PPP1R12B: variants seen among roughly 807,000 people sequenced by gnomAD.
PPP1R12B encodes the protein protein phosphatase 1 regulatory subunit 12B.
PPP1R12B carries 76 observed loss-of-function variants against 126.1 expected under a neutral mutation model. The observed-to-expected ratio is 0.60, with a 90% CI of 0.50 to 0.73. The LOEUF is 0.73. Ranked by LOEUF, PPP1R12B falls within the 30% of genes least tolerant of loss-of-function variation. The pLI, the probability that PPP1R12B is intolerant of heterozygous loss-of-function variation, is 0.00. For missense variants in PPP1R12B, 1,052 were observed against 1,205.1 expected (o/e 0.87, Z 1.88); for synonymous variants, 356 against 434.7 (o/e 0.82, Z 2.25).
intron 13 of PPP1R12B, among the ~76,000 whole-genome samples, chr1:202,452,369 G>A (rs1478193313): frequency 3.9e-5 from 6 of 152,198 alleles, no homozygotes; most frequent in Non-Finnish European, 8.8e-5. Context: ...CCAACACAGC[G>A]AAACCCCGTC....
At chr1:202,538,641 G>C (rs1320356285) in intron 18 of PPP1R12B, among the ~76,000 whole-genome samples, 1 of 152,200 alleles carries the variant, frequency 6.6e-6, no homozygotes, top group East Asian at 1.9e-4. Flanking sequence ...AGAGAAAAGA[G>C]GGTTGTTACT....
rs1403578201 is a variant in PPP1R12B, at chr1:202,592,535, T to C, written c.*11975T>C. ...CCATGCGGCTATTTACAGAAAGTTA[T>C]AGACATGCATCTTGATTAAACAAGA... On this transcript the variant is annotated 3_prime_UTR_variant, in exon 24 of 24. Transcript: ENST00000608999. 3 of 152,272 alleles carry C rather than the reference T, an allele frequency of 2.0e-5. No individual in the cohort carries two copies. Among genetic ancestry groups the C allele is most frequent in the Non-Finnish European group, 4.4e-5 (3 of 68,054 alleles). 9.4% of individuals were successfully genotyped at this position (152,272 alleles called of 1,614,324 possible). A position where few individuals can be genotyped will look rare whatever the true frequency, so the allele number is the denominator to read the frequency against.
At chr1:202,486,721 T>G (rs1043098093) in intron 13 of PPP1R12B, among the ~76,000 whole-genome samples, 1 of 152,026 alleles carries the variant, frequency 6.6e-6, no homozygotes, top group Non-Finnish European at 1.5e-5. Context: ...GGCGGGAAAA[T>G]CGCCTGAGTC....
At chr1:202,455,796 C>G (rs898946309) in intron 13 of PPP1R12B, among the ~76,000 whole-genome samples, 2 of 152,148 alleles carry the variant, frequency 1.3e-5, no homozygotes, top group African/African-American at 4.8e-5. Context: ...CATGACGTGA[C>G]CTATAGTTTT....
At chr1:202,521,705 G>T (rs971802506) in intron 18 of PPP1R12B, among the ~76,000 whole-genome samples, 1 of 152,104 alleles carries the variant, frequency 6.6e-6, no homozygotes, top group African/African-American at 2.4e-5. Flanking sequence ...GAGAAAGATG[G>T]ACATGAAAGA....
intron 21 of PPP1R12B, among the ~76,000 whole-genome samples, chr1:202,566,556 C>A (rs564153570): frequency 7.2e-5 from 11 of 152,310 alleles, no homozygotes; most frequent in African/African-American, 2.6e-4. Context: ...AAAACTAGTT[C>A]TTTGTGTATA....
intron 6 of PPP1R12B, among the ~76,000 whole-genome samples, chr1:202,429,380 C>A (rs986900819): frequency 6.6e-6 from 1 of 152,150 alleles, no homozygotes; most frequent in African/African-American, 2.4e-5. Context: ...ACACATAATA[C>A]TAAAACTGTC....
intron 13 of PPP1R12B, among the ~76,000 whole-genome samples, chr1:202,477,346 C>T (rs1182094113): frequency 1.3e-5 from 2 of 152,072 alleles, no homozygotes; most frequent in Non-Finnish European, 2.9e-5. Context: ...ATAAGAAACT[C>T]GGGTATAGAG....
intron 1 of PPP1R12B, among the ~76,000 whole-genome samples, chr1:202,358,915 G>T (rs889960948): frequency 5.3e-5 from 8 of 152,094 alleles, no homozygotes; most frequent in African/African-American, 1.9e-4. Flanking sequence ...AAATATTCAT[G>T]ATATATCTGG....
chr1:202,371,001 CTTTTTTTTTTTT>C (rs774584500), intron 1 of PPP1R12B, among the ~76,000 whole-genome samples: 2 of 109,126 alleles, frequency 1.8e-5, no homozygotes, highest in Non-Finnish European at 3.8e-5. Context: ...TGCTCCACAT[CTTTTTTTTTTTT>C]TTTTTTTTTT....
intron 10 of PPP1R12B, chr1:202,439,225 T>C: frequency 1.4e-6 from 2 of 1,402,082 alleles, no homozygotes; most frequent in Non-Finnish European, 2.0e-6. Context: ...GCAGCCTCGT[T>C]GGAGCACCAT....
intron 1 of PPP1R12B, among the ~76,000 whole-genome samples, chr1:202,372,199 CTTATA>C (rs568601285): frequency 4.3e-4 from 66 of 152,128 alleles, no homozygotes; most frequent in African/African-American, 1.6e-3. Flanking sequence ...ATCAGTTTTT[CTTATA>C]TTATAAAAGT....
intron 13 of PPP1R12B, among the ~76,000 whole-genome samples, chr1:202,487,021 A>G (rs1419880061): frequency 1.3e-5 from 2 of 152,218 alleles, no homozygotes; most frequent in African/African-American, 4.8e-5. Context: ...TCTTTCATGA[A>G]TGTGGTAGGA....
chr1:202,464,949 G>A (rs562714869), intron 13 of PPP1R12B, among the ~76,000 whole-genome samples: 2 of 152,240 alleles, frequency 1.3e-5, no homozygotes, highest in South Asian at 4.1e-4. Flanking sequence ...GAAGATGAAT[G>A]GTATAGGATG....
At chr1:202,440,859 A>G in intron 11 of PPP1R12B, 71 bp downstream of exon 11, 1 of 1,293,848 alleles carries the variant, frequency 7.7e-7, no homozygotes, top group Non-Finnish European at 1.1e-6. Flanking sequence ...TCTCCTGGGC[A>G]TTACTCTTCT....
intron 18 of PPP1R12B, among the ~76,000 whole-genome samples, chr1:202,534,831 T>A (rs555327066): frequency 6.6e-6 from 1 of 152,242 alleles, no homozygotes; most frequent in African/African-American, 2.4e-5. Flanking sequence ...GAAAAGGAGA[T>A]TCTATCATCT....
chr1:202,449,315 G>A lies in PPP1R12B; in HGVS notation c.1850+144G>A, dbSNP rs1311890448. On this transcript the variant is annotated intron_variant, in intron 13 of 23. Coordinates refer to ENST00000608999, the MANE Select transcript of PPP1R12B (RefSeq NM_002481.4). The stretch of plus-strand genomic sequence containing the variant: ...TTTTGAGACAGAGCCTCACTCTGTC[G>A]CCCAGGCTGGAGTGCAGTGGCGCCA... 1.1e-5 allele frequency: 15 copies of A among 1,339,568 alleles called. 1 individual carries two copies. The highest frequency in any genetic ancestry group is 5.5e-4 in the Middle Eastern group (2 of 3,604). 83.0% of individuals were successfully genotyped at this position (1,339,568 alleles called of 1,614,324 possible).
At chr1:202,489,718 A>G (rs1678617440) in intron 14 of PPP1R12B, among the ~76,000 whole-genome samples, 1 of 152,192 alleles carries the variant, frequency 6.6e-6, no homozygotes, top group African/African-American at 2.4e-5. Context: ...AATGGTGAGT[A>G]TGTGGTTTCT....
chr1:202,381,640 A>G (rs1662299438), intron 1 of PPP1R12B, among the ~76,000 whole-genome samples: 1 of 152,206 alleles, frequency 6.6e-6, no homozygotes, highest in Admixed American at 6.5e-5. Flanking sequence ...AGACTGTCCA[A>G]GAAGGAAAGT....
Sources: gnomAD v4.1 joint callset for allele counts (sites outside exome capture counted in the v4.1 genomes callset) on GRCh38, gnomAD v4.1.1 for gene constraint, MANE v1.5 for transcripts, NCBI Gene and HGNC (gene_info 2026-07-23, HGNC 2026-07-21) for gene names.